CACNA1I: variants seen among roughly 807,000 people sequenced by gnomAD.
CACNA1I encodes calcium voltage-gated channel subunit alpha1 I.
A neutral mutation model predicts 201.6 loss-of-function variants in CACNA1I; 74 were observed. The ratio of observed to expected loss-of-function variants is 0.37; its 90% CI spans 0.30 to 0.45. The LOEUF (loss-of-function observed/expected upper bound fraction) is 0.45, where lower values mean the gene tolerates loss of function less well. Ranked by LOEUF, CACNA1I falls within the 20% of genes least tolerant of loss-of-function variation. The pLI, the probability that CACNA1I is intolerant of heterozygous loss-of-function variation, is 1.00. For missense variants in CACNA1I, 2,346 were observed against 3,138.1 expected, an observed-to-expected ratio of 0.75 and a Z score of 6.03; for synonymous variants, 1,431 against 1,345.2, an observed-to-expected ratio of 1.06 and a Z score of -1.40.
At chr22:39,682,460 C>T in intron 34 of CACNA1I, 36 bp from the exon 35 acceptor site, 3 of 1,598,076 alleles carry the variant, frequency 1.9e-6, no homozygotes, top group Non-Finnish European at 1.7e-6. Flanking sequence ...GTCCCCCTTC[C>T]CAGTCCTGCC....
chr22:39,685,636 C>T lies in CACNA1I; in HGVS notation c.6028-125C>T. On this transcript the variant is annotated intron_variant, in intron 36 of 36. Coordinates refer to ENST00000402142, the MANE Select transcript of CACNA1I (RefSeq NM_021096.4). This position sits in a 1 kb window ranked among gnomAD's most constrained non-coding sequence, Gnocchi z 5.0. ...AGCTGGACGTGCGGAGGGGAGAAGC[C>T]CTGCTCCGAAGGGAGCTCCTTGGAT... 1 of 802,286 alleles carries T rather than the reference C, an allele frequency of 1.2e-6. No individual in the cohort carries two copies. The highest frequency in any genetic ancestry group is 2.2e-5 in the South Asian group (1 of 44,730). 49.7% of individuals were successfully genotyped at this position (802,286 alleles called of 1,614,324 possible).
chr22:39,595,039 C>CA (rs1370263921), intron 1 of CACNA1I, among the ~76,000 whole-genome samples: 1 of 152,206 alleles, frequency 6.6e-6, no homozygotes, highest in African/African-American at 2.4e-5. Context: ...CCTATAATCC[C>CA]AGCACTTTGG....
At chr22:39,574,166 T>C (rs989907138) in intron 1 of CACNA1I, among the ~76,000 whole-genome samples, 3 of 152,202 alleles carry the variant, frequency 2.0e-5, no homozygotes, top group Non-Finnish European at 4.4e-5. Context: ...AAAGTTAAGA[T>C]TTAAGGCTCA....
At chr22:39,617,881 C>A (rs1218959318) in intron 3 of CACNA1I, among the ~76,000 whole-genome samples, 1 of 140,598 alleles carries the variant, frequency 7.1e-6, no homozygotes, top group African/African-American at 2.6e-5. Context: ...CTCCCTCTTT[C>A]CTCCCTCCCC....
chr22:39,679,487 G>C, intron 32 of CACNA1I, 42 bp downstream of exon 32: 4 of 1,313,758 alleles, frequency 3.0e-6, no homozygotes, highest in Non-Finnish European at 4.0e-6. Flanking sequence ...CCAGAGGGGG[G>C]GCACCGCAGG....
At chr22:39,598,941 GTTTTT>G (rs3044380) in intron 2 of CACNA1I, among the ~76,000 whole-genome samples, 7 of 68,266 alleles carry the variant, frequency 1.0e-4, no homozygotes, top group Non-Finnish European at 1.7e-4. Context: ...TGCCTCTTGG[GTTTTT>G]TTTTTTTTTT....
At chr22:39,607,105 G>A (rs1933242116) in intron 3 of CACNA1I, among the ~76,000 whole-genome samples, 1 of 152,216 alleles carries the variant, frequency 6.6e-6, no homozygotes, top group African/African-American at 2.4e-5. Context: ...TGGAGGGTGA[G>A]GCTACTGGGA....
At position 39,684,269 on chromosome 22, in the gene CACNA1I, C is replaced by G; in HGVS notation, c.5831-33C>G. The G allele has an allele frequency of 6.2e-7, 1 of 1,602,826 alleles. No homozygotes were observed. Among genetic ancestry groups the G allele is most frequent in the African/African-American group, 1.3e-5 (1 of 74,826 alleles). On this transcript the variant is annotated intron_variant, in intron 35 of 36. Coordinates refer to ENST00000402142, the MANE Select transcript of CACNA1I (RefSeq NM_021096.4). This position sits in a 1 kb window ranked among gnomAD's most constrained non-coding sequence, Gnocchi z 4.6. ...GGGGCTGCCCCCTGGCCTGAGCGTG[C>G]TCCCTCAGCTCTGTCTTCTCCTTTC... is the stretch of plus-strand genomic sequence containing the variant.
rs1403330750 is a variant in CACNA1I, at chr22:39,686,682, A to G, written c.*277A>G. The G allele has an allele frequency of 6.8e-6, 1 of 147,860 alleles. No individual in the cohort carries two copies. Among genetic ancestry groups the G allele is most frequent in the Non-Finnish European group, 1.5e-5 (1 of 67,064 alleles). 9.2% of individuals were successfully genotyped at this position (147,860 alleles called of 1,614,324 possible). The stretch of plus-strand genomic sequence containing the variant: ...TATACACACACACATAGACAGACAT[A>G]TATATATATATTTATTTTTTTTACT... On this transcript the variant is annotated 3_prime_UTR_variant, in exon 37 of 37. Coordinates refer to ENST00000402142, the MANE Select transcript of CACNA1I (RefSeq NM_021096.4).
At chr22:39,639,403 A>T (rs531858834) in intron 5 of CACNA1I, among the ~76,000 whole-genome samples, 7 of 152,200 alleles carry the variant, frequency 4.6e-5, no homozygotes, top group Non-Finnish European at 1.0e-4. Flanking sequence ...CTTAGCCAGG[A>T]TGGTTATACC....
intron 34 of CACNA1I, among the ~76,000 whole-genome samples, chr22:39,681,866 T>C (rs531286320): frequency 6.6e-6 from 1 of 152,192 alleles, no homozygotes; most frequent in African/African-American, 2.4e-5. Context: ...CCCTCCCTGA[T>C]TGGTAACAGT....
chr22:39,681,274 G>A lies in CACNA1I; in HGVS notation c.5664+222G>A, dbSNP rs114752407. On this transcript the variant is annotated intron_variant, in intron 34 of 36. Coordinates refer to ENST00000402142, the MANE Select transcript of CACNA1I (RefSeq NM_021096.4). ...ACAAGCCCAGCCAGCACTCCAACCC[G>A]GCACCCAGCAGTACTGGCTGCTTCT... Among the ~76,000 whole-genome samples, 551 of 152,320 alleles carry A rather than the reference G, an allele frequency of 3.6e-3. 3 individuals carry two copies. The highest frequency in any genetic ancestry group is 0.013 in the African/African-American group (532 of 41,570).
Position 39,677,042 on chromosome 22 carries a change from A to C in CACNA1I, c.4855-299A>C, listed in dbSNP as rs558964705. ...TTCTTCTGAAGAATGGGGATAAAAG[A>C]TAGTTCGTGGATTATTGTGAGGAGG... On this transcript the variant is annotated intron_variant, in intron 29 of 36. Transcript: ENST00000402142. This position sits in a 1 kb window ranked among gnomAD's most constrained non-coding sequence, Gnocchi z 4.8. 2.6e-5 allele frequency among the ~76,000 whole-genome samples: 4 copies of C among 152,174 alleles called. No homozygotes were observed. The highest frequency in any genetic ancestry group is 4.4e-5 in the Non-Finnish European group (3 of 68,028).
chr22:39,659,066 C>T lies in CACNA1I; in HGVS notation c.2280C>T (p.Asp760=), dbSNP rs1934915129. 3 of 1,613,430 alleles carry T rather than the reference C, an allele frequency of 1.9e-6. No individual in the cohort carries two copies. Among genetic ancestry groups the T allele is most frequent in the African/African-American group, 2.7e-5 (2 of 74,908 alleles). Residue 760 remains aspartate (D), a synonymous_variant, in exon 12 of 37, where the codon GAC becomes GAT. Transcript: ENST00000402142. The surrounding 1 kb of genome is among the most constrained non-coding windows in gnomAD (Gnocchi z 4.3). ...TCGTGGTGCTCATGAAGACCATGGA[C>T]AACGTGGCCACCTTCTGCATGCTGC... ...RQLVVLMKTM[D]NVATFCMLLM... is the part of the protein sequence containing the mutation.
chr22:39,683,547 T>C (rs529578787), intron 35 of CACNA1I, among the ~76,000 whole-genome samples: 95 of 152,304 alleles, frequency 6.2e-4, no homozygotes, highest in African/African-American at 1.9e-3. Flanking sequence ...TAGCCAACCA[T>C]TTATTTACGT....
intron 1 of CACNA1I, among the ~76,000 whole-genome samples, chr22:39,595,087 A>G (rs1109008): frequency 0.36 from 54,836 of 150,758 alleles, 10,906 homozygotes; most frequent in East Asian, 0.82. Flanking sequence ...CAGGAGATCG[A>G]GACCATCTTG....
intron 1 of CACNA1I, among the ~76,000 whole-genome samples, chr22:39,591,337 T>G (rs1932819329): frequency 6.6e-6 from 1 of 151,462 alleles, no homozygotes; most frequent in South Asian, 2.1e-4. Context: ...AATTTTTGTA[T>G]TTTTAGTAGA....
chr22:39,664,536 C>T (rs982157262), intron 20 of CACNA1I, among the ~76,000 whole-genome samples: 1 of 152,098 alleles, frequency 6.6e-6, no homozygotes, highest in Non-Finnish European at 1.5e-5. Context: ...GGGCCCTGAC[C>T]CTGCCCTGTC....
rs1357794126 is a variant in CACNA1I, at chr22:39,685,102, C to G, written c.6027+604C>G. ...CTGGGTGACTGTCTGACCCGTCACA[C>G]CAGGCTGTGTGCTCTGGCGGGCAGG... On this transcript the variant is annotated intron_variant, in intron 36 of 36. Transcript: ENST00000402142. The surrounding 1 kb of genome is among the most constrained non-coding windows in gnomAD (Gnocchi z 5.0). 1 of 170,668 alleles carries G rather than the reference C, an allele frequency of 5.9e-6. No individual in the cohort carries two copies. The highest frequency in any genetic ancestry group is 2.4e-5 in the African/African-American group (1 of 41,716). 10.6% of individuals were successfully genotyped at this position (170,668 alleles called of 1,614,324 possible).
Sources: allele counts gnomAD v4.1 joint callset (sites outside exome capture counted in the v4.1 genomes callset), GRCh38; gene constraint gnomAD v4.1.1; non-coding constraint Gnocchi (gnomAD v3.1); transcripts MANE v1.5; gene names NCBI Gene and HGNC (gene_info 2026-07-23, HGNC 2026-07-21).